Variants in GK observed in about 807,000 individuals in gnomAD.
GK encodes the protein ATP:glycerol 3-phosphotransferase.
In GK, 9 loss-of-function variants were observed where a neutral mutation model predicts 56.4. That is an observed-to-expected ratio of 0.16 (90% CI 0.10 to 0.28). GK has a LOEUF of 0.28. Among genes scored for constraint, GK ranks in the 10% least tolerant of loss-of-function variants. The pLI, the probability that GK is intolerant of heterozygous loss-of-function variation, is 1.00. For missense variants in GK, 161 were observed against 431.4 expected, an observed-to-expected ratio of 0.37 and a Z score of 5.55; for synonymous variants, 104 against 144.1, an observed-to-expected ratio of 0.72 and a Z score of 1.99.
Position 30,731,367 on chromosome X carries a change from TA to T in GK, c.*2626del, listed in dbSNP as rs1272867194. On this transcript the variant is annotated 3_prime_UTR_variant, in exon 21 of 21. Transcript: ENST00000427190. ...TAACTCTTTAATAGCTTGTTTTATC[TA>T]GTAATATTTAAATAATGAAGTTTCC... 8.9e-6 allele frequency: 1 copy of T among 112,070 alleles called. No homozygotes were observed. The highest frequency in any genetic ancestry group is 1.9e-5 in the Non-Finnish European group (1 of 53,229). The allele number at this position is 112,070 out of a possible 1,213,427, so 9.2% of individuals were successfully genotyped here.
At chrX:30,666,227 A>C (rs1381188412) in intron 2 of GK, among the ~76,000 whole-genome samples, 1 of 111,868 alleles carries the variant, frequency 8.9e-6, no homozygotes, top group Non-Finnish European at 1.9e-5. Flanking sequence ...AAGTCGCCCC[A>C]AACTGGAAAC....
At chrX:30,707,657 G>C in intron 12 of GK, 59 bp downstream of exon 12, 2 of 646,239 alleles carry the variant, frequency 3.1e-6, no homozygotes, top group Non-Finnish European at 5.1e-6. Context: ...AATAATGCTT[G>C]AACATAATTT....
In GK at chrX:30,653,624, G is replaced by A. The variant is rs373147022; in HGVS notation, c.78+9G>A. 1.4e-4 allele frequency: 171 copies of A among 1,194,119 alleles called. No homozygotes were observed. The highest frequency in any genetic ancestry group is 1.7e-4 in the Non-Finnish European group (151 of 880,286). On this transcript the variant is annotated intron_variant, in intron 1 of 20. Transcript: ENST00000427190. ...GTTCGACGCGCTTTTTGGTGAGCCC[G>A]GGGTGACATGTGAAGAGGCGCTGAG...
chrX:30,654,532 C>A (rs1444665411), intron 1 of GK, among the ~76,000 whole-genome samples: 2 of 111,121 alleles, frequency 1.8e-5, no homozygotes, highest in Non-Finnish European at 3.8e-5. Flanking sequence ...TACCTAAGGT[C>A]AGGAGTTCGA....
At chrX:30,678,215 C>T (rs1160029959) in intron 4 of GK, 1 of 400,133 alleles carries the variant, frequency 2.5e-6, no homozygotes, top group Non-Finnish European at 4.3e-6. Context: ...GCTGCTTCTT[C>T]TACAAATGTG....
chrX:30,671,756 T>G (rs1933522535), intron 3 of GK: 1 of 112,233 alleles, frequency 8.9e-6, no homozygotes, highest in East Asian at 2.8e-4. Context: ...AATAGACTGC[T>G]TCTTTCCTTC....
intron 4 of GK, among the ~76,000 whole-genome samples, chrX:30,679,369 C>G (rs1934147346): frequency 9.1e-6 from 1 of 109,958 alleles, no homozygotes. Flanking sequence ...AGGTGTGCAC[C>G]ATTATGCCCG....
rs779381656 is a variant in GK at position 30,653,488 on chromosome X, C to T, written c.-50C>T. 4 of 1,103,760 alleles carry T rather than the reference C, an allele frequency of 3.6e-6. No individual in the cohort carries two copies. The highest frequency in any genetic ancestry group is 1.8e-5 in the South Asian group (1 of 54,461). The allele number at this position is 1,103,760 out of a possible 1,213,427, so 91.0% of individuals were successfully genotyped here. A position where few individuals can be genotyped will look rare whatever the true frequency, so the allele number is the denominator to read the frequency against. ...CACCTGCCCCTCCCCCTCCCGCCGC[C>T]GTCACCCAGGAAACCGGCCGCAATC... On this transcript the variant is annotated 5_prime_UTR_variant, in exon 1 of 21. Transcript: ENST00000427190.
At chrX:30,693,764 G>T (rs910932031) in intron 5 of GK, among the ~76,000 whole-genome samples, 5 of 110,183 alleles carry the variant, frequency 4.5e-5, no homozygotes, top group African/African-American at 1.7e-4. Flanking sequence ...GGCCAGGTTG[G>T]TTTCGAGCTC....
At chrX:30,685,212 A>G (rs1934530717) in intron 4 of GK, among the ~76,000 whole-genome samples, 2 of 110,244 alleles carry the variant, frequency 1.8e-5, no homozygotes, top group Non-Finnish European at 3.8e-5. Flanking sequence ...GCTCACCGCA[A>G]GCTCCGCCTC....
Position 30,720,048 on chromosome X carries a change from C to A in GK, c.1189C>A (p.His397Asn). The A allele has an allele frequency of 8.4e-7, 1 of 1,197,255 alleles. No individual in the cohort carries two copies. Among genetic ancestry groups the A allele is most frequent in the South Asian group, 1.8e-5 (1 of 56,617 alleles). The part of the protein sequence containing the change: ...CGLTQFTNKC[H>N]IAFAALEAVC... Reference sequence around the variant, plus strand: ...ACTCACTCAGTTCACCAATAAATGCCATATTGCTTTTGCTGCATTAGAAGC... The same window carrying A: ...ACTCACTCAGTTCACCAATAAATGCAATATTGCTTTTGCTGCATTAGAAGC... The change falls in exon 16 of 21, where the codon CAT becomes AAT. Residue 397 changes from histidine to asparagine, a missense_variant. Transcript: ENST00000427190.
chrX:30,664,847 G>T (rs992264690), intron 1 of GK, among the ~76,000 whole-genome samples: 6 of 108,001 alleles, frequency 5.6e-5, no homozygotes, highest in African/African-American at 2.0e-4. Context: ...GGGATTACAG[G>T]CTCCCACCAC....
Position 30,727,509 on chromosome X carries a change from A to G in GK, c.1626A>G (p.Ile542Met), listed in dbSNP as rs1334070309. The change falls in exon 20 of 21, where the codon ATA (isoleucine) becomes ATG (methionine). Residue 542 changes from isoleucine (I) to methionine (M), a missense_variant. By Grantham distance (10) the Ile-to-Met change is conservative. Transcript: ENST00000427190. ...IFCSLPLGFFIVSSMVMLIGA... is the reference protein window; with the variant it reads ...IFCSLPLGFFMVSSMVMLIGA... ...GTAGTCTGCCCTTGGGCTTTTTTAT[A>G]GTGAGTAGCATGGTAATGTTAATCG... 2.5e-6 allele frequency: 3 copies of G among 1,194,922 alleles called. No individual in the cohort carries two copies.
intron 3 of GK, 118 bp from the exon 4 acceptor site, chrX:30,677,257 G>C (rs1933972601): frequency 1.9e-6 from 1 of 529,168 alleles, no homozygotes; most frequent in South Asian, 2.4e-5. Context: ...AATGTTTCAA[G>C]TATTTTTTTG....
intron 3 of GK, among the ~76,000 whole-genome samples, chrX:30,671,309 A>C (rs1933488395): frequency 9.2e-6 from 1 of 108,422 alleles, no homozygotes; most frequent in Non-Finnish European, 1.9e-5. Flanking sequence ...AAAAAAAAAA[A>C]AAAAAACAAC....
chrX:30,692,759 C>T (rs1935028709), intron 5 of GK, among the ~76,000 whole-genome samples: 1 of 109,867 alleles, frequency 9.1e-6, no homozygotes, highest in Non-Finnish European at 1.9e-5. Context: ...CGCGCCCGGC[C>T]TCCTTCCATT....
At chrX:30,654,790 C>A (rs1402669865) in intron 1 of GK, among the ~76,000 whole-genome samples, 1 of 111,962 alleles carries the variant, frequency 8.9e-6, no homozygotes, top group African/African-American at 3.2e-5. Flanking sequence ...TGAATGCCTG[C>A]TGATAAAAGC....
intron 13 of GK, among the ~76,000 whole-genome samples, chrX:30,712,418 G>A (rs761805645): frequency 2.7e-5 from 3 of 111,111 alleles, no homozygotes; most frequent in African/African-American, 9.8e-5. Context: ...GCAATATGGG[G>A]GAATGCTAGT....
At chrX:30,660,003 C>A (rs1296356404) in intron 1 of GK, among the ~76,000 whole-genome samples, 1 of 111,886 alleles carries the variant, frequency 8.9e-6, no homozygotes, top group East Asian at 2.8e-4. Context: ...CCCACCTCGG[C>A]CTTCCAAAGT....
Sources: gnomAD v4.1 joint callset for allele counts (sites outside exome capture counted in the v4.1 genomes callset) on GRCh38, gnomAD v4.1.1 for gene constraint, MANE v1.5 for transcripts, NCBI Gene and HGNC (gene_info 2026-07-23, HGNC 2026-07-21) for gene names.